NLRP8: variants seen among roughly 807,000 people sequenced by gnomAD.
The protein encoded by NLRP8 is NLR family pyrin domain containing 8, also known as NACHT, LRR and PYD domains-containing protein 8.
A neutral mutation model predicts 88.7 loss-of-function variants in NLRP8; 86 were observed. The observed-to-expected ratio is 0.97, with a 90% confidence interval of 0.81 to 1.16. NLRP8 has a LOEUF of 1.16. Among genes scored for constraint, NLRP8 ranks in the 50% most tolerant of loss-of-function variants. The pLI is 0.00. For synonymous variants in NLRP8, 504 were observed against 494.6 expected, an observed-to-expected ratio of 1.02 and a Z score of -0.25; for missense variants, 1,342 against 1,286.5, an observed-to-expected ratio of 1.04 and a Z score of -0.66.
Position 55,967,038 on chromosome 19 carries a change from CT to C in NLRP8, c.2381+659del, listed in dbSNP as rs1403457720. On this transcript the variant is annotated intron_variant, in intron 5 of 9. Transcript: ENST00000291971. ...AATCACATCTTGGAGAATGGGAGAT[CT>C]AGCCCTTCAAACATTTATCCTTTGT... Among the ~76,000 whole-genome samples the C allele has an allele frequency of 3.3e-5, 5 of 152,312 alleles. No individual in the cohort carries two copies. The East Asian group carries it at 9.6e-4, about 29-fold the overall frequency.
intron 6 of NLRP8, 79 bp from the exon 7 acceptor site, chr19:55,973,573 C>A (rs891156827): frequency 4.9e-5 from 65 of 1,324,860 alleles, no homozygotes; most frequent in Non-Finnish European, 3.7e-5. Context: ...AGAGGGAGAG[C>A]CCTGACTGAG....
Position 55,976,836 on chromosome 19 carries a change from T to C in NLRP8, c.2876+533T>C, listed in dbSNP as rs1371963499. ...GGCTCACGCCTATAATCCCAGCACTTTGGGAGGCTGAGGTGGGGCGGATCA... is the reference window on the plus strand; with the variant it reads ...GGCTCACGCCTATAATCCCAGCACTCTGGGAGGCTGAGGTGGGGCGGATCA... On this transcript the variant is annotated intron_variant, in intron 8 of 9. Transcript: ENST00000291971. 3.7e-5 allele frequency among the ~76,000 whole-genome samples: 3 copies of C among 82,178 alleles called. No individual in the cohort carries two copies. The East Asian group carries it at 8.2e-4, about 22-fold the overall frequency. 53.9% of individuals were successfully genotyped at this position (82,178 alleles called of 152,430 possible).
chr19:55,950,010 A>G (rs1979020152), intron 1 of NLRP8, among the ~76,000 whole-genome samples: 1 of 152,184 alleles, frequency 6.6e-6, no homozygotes, highest in Non-Finnish European at 1.5e-5. Flanking sequence ...AAGGAGAGAG[A>G]GTCACCGGAA....
At chr19:55,986,819 C>T (rs150963451) in intron 9 of NLRP8, among the ~76,000 whole-genome samples, 1 of 152,140 alleles carries the variant, frequency 6.6e-6, no homozygotes, top group African/African-American at 2.4e-5. Context: ...AGGTGTGAAG[C>T]TGGTGAGTAT....
Position 55,954,801 on chromosome 19 carries a change from T to G in NLRP8, c.743T>G (p.Val248Gly). Residue 248 changes from valine (V) to glycine (G), a missense_variant, in exon 3 of 10, where the codon GTG (valine) becomes GGG (glycine). Physicochemically the swap from Val to Gly is moderately radical, Grantham distance 109 (BLOSUM62 -3). Coordinates refer to ENST00000291971, the MANE Select transcript of NLRP8 (RefSeq NM_176811.2). ...GCTTTCTACTTCCATTGCCAAGAGG[T>G]GAACCAGACGACAGACCAGAGCTTC... 2.5e-6 allele frequency: 4 copies of G among 1,614,054 alleles called. No individual in the cohort carries two copies. The highest frequency in any genetic ancestry group is 3.4e-6 in the Non-Finnish European group (4 of 1,180,012).
At chr19:55,972,969 G>C (rs183424690) in intron 6 of NLRP8, among the ~76,000 whole-genome samples, 38 of 152,018 alleles carry the variant, frequency 2.5e-4, no homozygotes, top group African/African-American at 9.2e-4. Context: ...TTTTCCTCTG[G>C]GTGAATTCCC....
At chr19:55,972,048 C>G (rs1224555179) in intron 6 of NLRP8, among the ~76,000 whole-genome samples, 1 of 151,662 alleles carries the variant, frequency 6.6e-6, no homozygotes, top group Non-Finnish European at 1.5e-5. Flanking sequence ...TCCTTGTCTG[C>G]TATTTATTCT....
At chr19:55,957,670 T>A (rs865830796) in intron 3 of NLRP8, among the ~76,000 whole-genome samples, 2,207 of 51,514 alleles carry the variant, frequency 0.043, 171 homozygotes, top group African/African-American at 0.19. Flanking sequence ...GAAAAAATAA[T>A]AATTATATAT....
At position 55,987,932 on chromosome 19, in the gene NLRP8, T is replaced by C. The variant is rs1464333355; in HGVS notation, c.*19T>C. On this transcript the variant is annotated 3_prime_UTR_variant, in exon 10 of 10. Transcript: ENST00000291971. ...TCCTTAGGCCGTCCAGTCATCTTTC[T>C]CTGGGGCTTGATTGATCAGTTCCCA... is the stretch of plus-strand genomic sequence containing the variant. The C allele has an allele frequency of 6.4e-6, 10 of 1,573,668 alleles. No individual in the cohort carries two copies. Among genetic ancestry groups the C allele is most frequent in the Admixed American group, 3.3e-5 (2 of 59,928 alleles).
At position 55,984,431 on chromosome 19, in the gene NLRP8, G is replaced by T. The variant is rs1016702909; in HGVS notation, c.3048-3383G>T. ...GCACTTTGGGAGGCCGAAGCGGGGG[G>T]ATCACCTGAGGTCAGGAATTTGAGA... is the stretch of plus-strand genomic sequence containing the variant. On this transcript the variant is annotated intron_variant, in intron 9 of 9. Coordinates refer to ENST00000291971, the MANE Select transcript of NLRP8 (RefSeq NM_176811.2). Among the ~76,000 whole-genome samples the T allele has an allele frequency of 2.1e-4, 32 of 151,706 alleles. 1 individual carries two copies. Among genetic ancestry groups the T allele is most frequent in the African/African-American group, 7.3e-4 (30 of 41,274 alleles).
chr19:55,955,133 A>G lies in NLRP8; in HGVS notation c.1075A>G (p.Thr359Ala). Residue 359 changes from threonine to alanine, a missense_variant, in exon 3 of 10, where the codon ACG (threonine) becomes GCG (alanine). Physicochemically the swap from Thr to Ala is moderately conservative, Grantham distance 58. Coordinates refer to ENST00000291971, the MANE Select transcript of NLRP8 (RefSeq NM_176811.2). ...TCTCGTAACCCTTCCGGGGTTTAAT[A>G]CGATGGAAAAAATCAAGTATTTCCA... 3 of 1,614,036 alleles carry G rather than the reference A, an allele frequency of 1.9e-6. No homozygotes were observed. Among genetic ancestry groups the G allele is most frequent in the South Asian group, 2.2e-5 (2 of 91,080 alleles).
chr19:55,948,552 C>T (rs1164044755), intron 1 of NLRP8, among the ~76,000 whole-genome samples: 2 of 152,194 alleles, frequency 1.3e-5, no homozygotes, highest in African/African-American at 4.8e-5. Context: ...TCTCCTGCCT[C>T]AGCCTCCTGA....
rs750845471 is a variant in NLRP8, at chr19:55,954,996, C to G, written c.938C>G (p.Ser313Cys). The G allele has an allele frequency of 6.2e-7, 1 of 1,614,178 alleles. No homozygotes were observed. Among genetic ancestry groups the G allele is most frequent in the Admixed American group, 1.7e-5 (1 of 60,024 alleles). Residue 313 changes from serine (S) to cysteine (C), a missense_variant, in exon 3 of 10, where the codon TCT becomes TGT. Transcript: ENST00000291971. The stretch of plus-strand genomic sequence containing the variant: ...GACTGGAGGCAGAAATTGCCTGGGT[C>G]TGTCCTACTGAGCAGTTTGCTGAGC...
In NLRP8 at chr19:55,954,902, C is replaced by G. The variant is rs779989262; in HGVS notation, c.844C>G (p.Leu282Val). 1 of 1,614,086 alleles carries G rather than the reference C, an allele frequency of 6.2e-7. No homozygotes were observed. The highest frequency in any genetic ancestry group is 1.3e-5 in the African/African-American group (1 of 74,928). The change falls in exon 3 of 10, where the codon CTG becomes GTG. Residue 282 changes from leucine (L) to valine (V), a missense_variant. Transcript: ENST00000291971. ...GATTATGTCCAAACCCGACCAACTT[C>G]TGCTGCTCTTGGATGGCTTTGAGGA...
intron 8 of NLRP8, among the ~76,000 whole-genome samples, chr19:55,976,834 C>T (rs1980361491): frequency 1.3e-5 from 1 of 77,260 alleles, no homozygotes; most frequent in African/African-American, 5.5e-5. Flanking sequence ...AATCCCAGCA[C>T]TTTGGGAGGC....
rs746433733 is a variant in NLRP8 at position 55,966,333 on chromosome 19, T to G, written c.2334T>G (p.Leu778=). ...AAGTGGAGTCCAAAGCTGTGAAGCTTCTATGCAGGGTGCTGAGATCCCCCC... is the reference window on the plus strand; with the variant it reads ...AAGTGGAGTCCAAAGCTGTGAAGCTGCTATGCAGGGTGCTGAGATCCCCCC... Residue 778 remains leucine (L), a synonymous_variant, in exon 5 of 10, where the codon CTT becomes CTG. Transcript: ENST00000291971. 1 of 1,614,042 alleles carries G rather than the reference T, an allele frequency of 6.2e-7. No individual in the cohort carries two copies. The highest frequency in any genetic ancestry group is 8.5e-7 in the Non-Finnish European group (1 of 1,179,976).
At chr19:55,960,282 G>A (rs1424529225) in intron 3 of NLRP8, among the ~76,000 whole-genome samples, 1 of 152,154 alleles carries the variant, frequency 6.6e-6, no homozygotes, top group African/African-American at 2.4e-5. Flanking sequence ...CCTGCCACAG[G>A]TAGAATGAAT....
At chr19:55,952,742 A>G (rs1979152155) in intron 2 of NLRP8, 130 bp downstream of exon 2, 2 of 678,280 alleles carry the variant, frequency 2.9e-6, no homozygotes, top group Admixed American at 2.5e-5. Context: ...CAGAACCAAC[A>G]TGGCGAAACT....
Position 55,986,819 on chromosome 19 carries a change from C to G in NLRP8, c.3048-995C>G, listed in dbSNP as rs150963451. The stretch of plus-strand genomic sequence containing the variant: ...CTGCTCTTGGTGGTGAGGTGTGAAG[C>G]TGGTGAGTATTCCTCCTGTCTTGCT... On this transcript the variant is annotated intron_variant, in intron 9 of 9. Coordinates refer to ENST00000291971, the MANE Select transcript of NLRP8 (RefSeq NM_176811.2). 5.9e-3 allele frequency among the ~76,000 whole-genome samples: 896 copies of G among 152,258 alleles called. 9 individuals carry two copies. The highest frequency in any genetic ancestry group is 0.02 in the African/African-American group (826 of 41,560).
Sources: gnomAD v4.1 joint callset for allele counts (sites outside exome capture counted in the v4.1 genomes callset) on GRCh38, gnomAD v4.1.1 for gene constraint, MANE v1.5 for transcripts, NCBI Gene and HGNC (gene_info 2026-07-23, HGNC 2026-07-21) for gene names.